The following HMG20A variants were observed in gnomAD, a reference collection of about 807,000 sequenced individuals.
The protein encoded by HMG20A is high mobility group protein 20A.
Under a neutral mutation model 43.9 loss-of-function variants are expected in HMG20A, and 17 were observed. The observed-to-expected ratio is 0.39, with a 90% CI of 0.27 to 0.58. The LOEUF is 0.58. Ranked by LOEUF, HMG20A falls within the 20% of genes least tolerant of loss-of-function variation. The pLI is 0.59. For missense variants in HMG20A, 341 were observed against 438.2 expected (o/e 0.78, Z 1.98); for synonymous variants, 132 against 147.5 (o/e 0.89, Z 0.76).
chr15:77,438,161 T>A (rs912977713), intron 1 of HMG20A, among the ~76,000 whole-genome samples: 3 of 147,764 alleles, frequency 2.0e-5, no homozygotes, highest in African/African-American at 7.5e-5. Flanking sequence ...TTTTTTTTTT[T>A]AGAGACAGGA....
downstream of HMG20A, among the ~76,000 whole-genome samples, chr15:77,487,460 CTT>C (rs928782998): frequency 2.4e-4 from 37 of 152,282 alleles, no homozygotes; most frequent in Admixed American, 2.2e-3. Context: ...TTCCGTGATA[CTT>C]TTTTCCCCCG....
chr15:77,449,297 C>T lies in HMG20A; in HGVS notation c.-4-9107C>T, dbSNP rs191598941. ...TCCTAAATTGCCTCTTCTCTCTCCT[C>T]GTCTTTTTCCCTCTCATCTCACATA... is the stretch of plus-strand genomic sequence containing the variant. On this transcript the variant is annotated intron_variant, in intron 1 of 9. Coordinates refer to ENST00000336216, the MANE Select transcript of HMG20A (RefSeq NM_001304504.2). Among the ~76,000 whole-genome samples, 24 of 152,164 alleles carry T rather than the reference C, an allele frequency of 1.6e-4. No homozygotes were observed. The East Asian group carries it at 3.7e-3, about 23-fold the overall frequency.
intron 9 of HMG20A, 195 bp downstream of exon 9, chr15:77,479,516 T>G: frequency 1.9e-6 from 1 of 520,568 alleles, no homozygotes; most frequent in Non-Finnish European, 3.3e-6. Context: ...TCCCAGCTAC[T>G]TGGGAGGCTG....
chr15:77,507,585 C>T, the HMG20A span, among the ~76,000 whole-genome samples: 1 of 152,238 alleles, frequency 6.6e-6, no homozygotes, highest in East Asian at 1.9e-4. Flanking sequence ...CAGGGTGTGG[C>T]ATCAAGCCAA....
chr15:77,421,139 C>G, intron 1 of HMG20A, 135 bp downstream of exon 1: 1 of 365,824 alleles, frequency 2.7e-6, no homozygotes, highest in Non-Finnish European at 4.8e-6. Flanking sequence ...GCCTCAACTT[C>G]CGGTTGGGGG....
In HMG20A at chr15:77,471,038, G is replaced by A. The variant is rs757704898; in HGVS notation, c.579G>A (p.Arg193=). The change falls in exon 5 of 10, where the codon AGG becomes AGA. Residue 193 remains arginine (R), a synonymous_variant. Transcript: ENST00000336216. ...TQDRQKGKSH[R]QDAARQATHD... ...ACCGTCAGAAAGGCAAATCTCATAGGCAAGGTATCAAAACCAGAACCAAAT... is the reference window on the plus strand; with the variant it reads ...ACCGTCAGAAAGGCAAATCTCATAGACAAGGTATCAAAACCAGAACCAAAT... 5 of 1,608,504 alleles carry A rather than the reference G, an allele frequency of 3.1e-6. No homozygotes were observed. The highest frequency in any genetic ancestry group is 4.2e-6 in the Non-Finnish European group (5 of 1,178,492).
chr15:77,435,784 C>T (rs996867564), intron 1 of HMG20A, among the ~76,000 whole-genome samples: 23 of 151,590 alleles, frequency 1.5e-4, no homozygotes, highest in African/African-American at 5.3e-4. Context: ...GCATCTTTTA[C>T]ATTCTCATTT....
rs1273537373 is a variant in HMG20A, at chr15:77,420,930, G to A, written c.-79G>A. 4 of 398,582 alleles carry A rather than the reference G, an allele frequency of 1.0e-5. No individual in the cohort carries two copies. The South Asian group carries it at 3.8e-4, about 38-fold the overall frequency. The allele number at this position is 398,582 out of a possible 1,614,324, so 24.7% of individuals were successfully genotyped here. ...TGCGTGAAGTGAAGGCGATTGAGAG[G>A]GGCTGAGGGAATTGTCCTCTGTGGA... On this transcript the variant is annotated 5_prime_UTR_variant, in exon 1 of 10. Transcript: ENST00000336216.
intron 1 of HMG20A, among the ~76,000 whole-genome samples, chr15:77,455,691 T>C (rs1366496947): frequency 6.6e-6 from 1 of 152,210 alleles, no homozygotes; most frequent in Non-Finnish European, 1.5e-5. Context: ...TAGAGCAGCA[T>C]TCATTACATT....
At chr15:77,471,465 G>T (rs1476275466) in intron 5 of HMG20A, among the ~76,000 whole-genome samples, 1 of 152,022 alleles carries the variant, frequency 6.6e-6, no homozygotes, top group East Asian at 1.9e-4. Context: ...TCTATACTTG[G>T]GCATCTAGCC....
At chr15:77,429,899 A>G (rs933227409) in intron 1 of HMG20A, among the ~76,000 whole-genome samples, 1 of 152,208 alleles carries the variant, frequency 6.6e-6, no homozygotes, top group Admixed American at 6.5e-5. Context: ...TTTCTGAAGC[A>G]TTTATATTTT....
chr15:77,516,049 A>T, the HMG20A span, among the ~76,000 whole-genome samples: 9 of 152,208 alleles, frequency 5.9e-5, no homozygotes, highest in Non-Finnish European at 1.2e-4. Context: ...GGTCTCACAC[A>T]CAGAGGGGGA....
At chr15:77,467,400 C>A in intron 4 of HMG20A, 93 bp downstream of exon 4, 2 of 1,101,992 alleles carry the variant, frequency 1.8e-6, no homozygotes, top group Non-Finnish European at 2.7e-6. Flanking sequence ...ACAGTTGATT[C>A]TGCAGTTTTG....
At chr15:77,514,135 C>T in the HMG20A span, among the ~76,000 whole-genome samples, 1 of 152,198 alleles carries the variant, frequency 6.6e-6, no homozygotes, top group Non-Finnish European at 1.5e-5. Flanking sequence ...TCTGTGGACA[C>T]AATTTAGTCC....
chr15:77,474,477 C>T (rs2072837715), intron 6 of HMG20A, among the ~76,000 whole-genome samples: 1 of 152,188 alleles, frequency 6.6e-6, no homozygotes, highest in African/African-American at 2.4e-5. Flanking sequence ...AAACCCAGGC[C>T]TTCTGTGTCA....
At chr15:77,424,016 A>G (rs1308455727) in intron 1 of HMG20A, among the ~76,000 whole-genome samples, 2 of 152,108 alleles carry the variant, frequency 1.3e-5, no homozygotes, top group African/African-American at 4.8e-5. Context: ...TGAATACAGT[A>G]AATACGGCCA....
At chr15:77,507,779 G>A in the HMG20A span, among the ~76,000 whole-genome samples, 2 of 152,178 alleles carry the variant, frequency 1.3e-5, no homozygotes, top group African/African-American at 4.8e-5. Context: ...GCAGCTCAGG[G>A]CCATTCTCCA....
At chr15:77,439,255 T>G (rs1280207672) in intron 1 of HMG20A, among the ~76,000 whole-genome samples, 1 of 152,242 alleles carries the variant, frequency 6.6e-6, no homozygotes, top group Admixed American at 6.5e-5. Context: ...GGAATTCTCA[T>G]CTTAACCAAT....
intron 1 of HMG20A, among the ~76,000 whole-genome samples, chr15:77,423,843 A>C (rs760827468): frequency 5.3e-5 from 8 of 152,194 alleles, no homozygotes; most frequent in Non-Finnish European, 1.0e-4. Flanking sequence ...AGGATTAAAG[A>C]AAGTATCTTA....
Sources: gnomAD v4.1 joint callset for allele counts (sites outside exome capture counted in the v4.1 genomes callset) on GRCh38, gnomAD v4.1.1 for gene constraint, MANE v1.5 for transcripts, NCBI Gene and HGNC (gene_info 2026-07-23, HGNC 2026-07-21) for gene names.